Variants in SCAMP2 observed in about 807,000 individuals in gnomAD.
The protein encoded by SCAMP2 is secretory carrier-associated membrane protein 2.
SCAMP2 carries 25 observed loss-of-function variants against 44.1 expected under a neutral mutation model. The observed-to-expected ratio is 0.57, with a 90% CI of 0.41 to 0.79. The LOEUF is 0.79. Ranked by LOEUF, SCAMP2 falls within the 30% of genes least tolerant of loss-of-function variation. SCAMP2 has a pLI of 0.00. For missense variants in SCAMP2, 355 were observed against 411.0 expected, an observed-to-expected ratio of 0.86 and a Z score of 1.18; for synonymous variants, 156 against 166.0, an observed-to-expected ratio of 0.94 and a Z score of 0.46.
In SCAMP2 at chr15:74,863,156, C is replaced by T. The variant is rs1428919101; in HGVS notation, c.58-8507G>A. ...GGTTGGGAGTTTGAGACCAGCCTGG[C>T]CAGCATGATGAAACCCAGTCTCTAC... On this transcript the variant is annotated intron_variant, in intron 1 of 8. Transcript: ENST00000268099. 3.3e-5 allele frequency among the ~76,000 whole-genome samples: 5 copies of T among 151,800 alleles called. No individual in the cohort carries two copies. In the East Asian group the frequency reaches 9.7e-4, roughly 29 times the overall value.
intron 6 of SCAMP2, among the ~76,000 whole-genome samples, chr15:74,849,379 C>T (rs186241180): frequency 3.3e-5 from 5 of 150,902 alleles, no homozygotes; most frequent in Non-Finnish European, 5.9e-5. Context: ...ACCTGGGAGG[C>T]GGAGGTTGCA....
chr15:74,852,076 G>A lies in SCAMP2; in HGVS notation c.336C>T (p.Asn112=). ...KERELQNTVA[N]LHVRQNNWPP... ...CCCAGCAGCCTCCCTTACCATGCAAGTTGGCTACAGTGTTCTGCAGCTCCC... is the reference window on the plus strand; with the variant it reads ...CCCAGCAGCCTCCCTTACCATGCAAATTGGCTACAGTGTTCTGCAGCTCCC... Residue 112 remains asparagine (N), a synonymous_variant, in exon 4 of 9, where the codon AAC becomes AAT. Coordinates refer to ENST00000268099, the MANE Select transcript of SCAMP2 (RefSeq NM_005697.5). 2 of 1,573,286 alleles carry A rather than the reference G, an allele frequency of 1.3e-6. No homozygotes were observed. Among genetic ancestry groups the A allele is most frequent in the Non-Finnish European group, 1.7e-6 (2 of 1,159,176 alleles).
chr15:74,862,853 TACACACACACACACAC>T (rs112611741), intron 1 of SCAMP2, among the ~76,000 whole-genome samples: 88 of 87,506 alleles, frequency 1.0e-3, no homozygotes, highest in South Asian at 1.9e-3. Context: ...AAACAAACCA[TACACACACACACACAC>T]ACACACACAC....
chr15:74,847,574 G>A (rs760481302), intron 7 of SCAMP2, among the ~76,000 whole-genome samples: 5 of 152,192 alleles, frequency 3.3e-5, no homozygotes, highest in Non-Finnish European at 7.3e-5. Flanking sequence ...CACTTGTTTG[G>A]AGGGCAAGGG....
chr15:74,866,027 G>A (rs1041679258), intron 1 of SCAMP2, among the ~76,000 whole-genome samples: 2 of 110,114 alleles, frequency 1.8e-5, no homozygotes, highest in African/African-American at 4.9e-5. Flanking sequence ...AAGGAGGGAG[G>A]GAGGGGAGGG....
chr15:74,872,951 C>G (rs1446391862), intron 1 of SCAMP2: 2 of 461,814 alleles, frequency 4.3e-6, no homozygotes, highest in African/African-American at 4.1e-5. Flanking sequence ...CCTAGCACAG[C>G]CCAGCCTCCG....
At chr15:74,849,208 A>C (rs560570515) in intron 6 of SCAMP2, among the ~76,000 whole-genome samples, 26 of 152,298 alleles carry the variant, frequency 1.7e-4, no homozygotes, top group Middle Eastern at 3.4e-3. Context: ...AAACTAAGTA[A>C]ATCTCTTAAT....
At chr15:74,867,374 T>A (rs1332558418) in intron 1 of SCAMP2, among the ~76,000 whole-genome samples, 1 of 152,226 alleles carries the variant, frequency 6.6e-6, no homozygotes, top group Non-Finnish European at 1.5e-5. Context: ...AAAGAAGACT[T>A]AACGGAAGAG....
intron 1 of SCAMP2, among the ~76,000 whole-genome samples, chr15:74,870,122 C>T (rs2064566221): frequency 6.6e-6 from 1 of 152,190 alleles, no homozygotes; most frequent in Non-Finnish European, 1.5e-5. Flanking sequence ...TTCTTCCCAC[C>T]CAGGACTCCC....
At chr15:74,855,207 G>A (rs969433306) in intron 1 of SCAMP2, among the ~76,000 whole-genome samples, 3 of 151,902 alleles carry the variant, frequency 2.0e-5, no homozygotes, top group South Asian at 2.1e-4. Flanking sequence ...GGGTTGAAGC[G>A]ATTCTCCTGC....
rs1410212175 is a variant in SCAMP2 at position 74,850,496 on chromosome 15, T to TGAG, written c.632+17_632+18insCTC. 1.2e-6 allele frequency: 2 copies of TGAG among 1,612,332 alleles called. No homozygotes were observed. Among genetic ancestry groups the TGAG allele is most frequent in the African/African-American group, 2.7e-5 (2 of 74,880 alleles). ...ATGCCAGCCATAAAGTCTCACCCCT[T>TGAG]GCCCCGGCCTCACTCACCTAAAGGC... On this transcript the variant is annotated intron_variant, in intron 6 of 8. Coordinates refer to ENST00000268099, the MANE Select transcript of SCAMP2 (RefSeq NM_005697.5).
chr15:74,845,166 C>A lies in SCAMP2; in HGVS notation c.907G>T (p.Glu303Ter). Residue 303 changes from glutamate to a stop codon, truncating the protein, a stop_gained, in exon 9 of 9, where the codon GAG becomes TAG. Coordinates refer to ENST00000268099, the MANE Select transcript of SCAMP2 (RefSeq NM_005697.5). LOFTEE classifies it high-confidence loss of function. ...CTGCTGAAGATGCCCTGGGAAAACT[C>A]CTCCTGGGCCTGCTGGAAGCTGGCC... ...TGASFQQAQEEFSQGIFSSRT... is the reference protein window; with the variant it reads ...TGASFQQAQE 1 of 1,613,904 alleles carries A rather than the reference C, an allele frequency of 6.2e-7. No individual in the cohort carries two copies. Among genetic ancestry groups the A allele is most frequent in the East Asian group, 2.2e-5 (1 of 44,872 alleles).
At chr15:74,848,488 G>A (rs1047284514) in intron 7 of SCAMP2, 112 bp downstream of exon 7, 27 of 674,780 alleles carry the variant, frequency 4.0e-5, no homozygotes, top group Non-Finnish European at 4.6e-5. Context: ...CCCACTCCCC[G>A]CCATGGGAAA....
chr15:74,870,173 G>A (rs916162525), intron 1 of SCAMP2, among the ~76,000 whole-genome samples: 12 of 152,202 alleles, frequency 7.9e-5, no homozygotes, highest in African/African-American at 2.7e-4. Flanking sequence ...GCTGCTTCCT[G>A]TCATGCCATA....
At position 74,845,048 on chromosome 15, in the gene SCAMP2, G is replaced by A. The variant is rs1371011280; in HGVS notation, c.*35C>T. The A allele has an allele frequency of 4.4e-6, 7 of 1,599,918 alleles. No homozygotes were observed. Among genetic ancestry groups the A allele is most frequent in the Middle Eastern group, 1.7e-4 (1 of 5,986 alleles). On this transcript the variant is annotated 3_prime_UTR_variant, in exon 9 of 9. Coordinates refer to ENST00000268099, the MANE Select transcript of SCAMP2 (RefSeq NM_005697.5). The stretch of plus-strand genomic sequence containing the variant: ...GGAAAGTGCAGCTCAGAAGGCAGGC[G>A]AGAGAAAGGCTGAGGGGGAGAGAAG...
chr15:74,845,356 T>C, intron 8 of SCAMP2, 117 bp downstream of exon 8: 1 of 1,585,134 alleles, frequency 6.3e-7, no homozygotes, highest in Non-Finnish European at 8.6e-7. Context: ...AGAAAGGTAC[T>C]GGACCTTTGG....
chr15:74,846,924 C>T (rs1474966985), intron 7 of SCAMP2, among the ~76,000 whole-genome samples: 2 of 152,096 alleles, frequency 1.3e-5, no homozygotes, highest in Non-Finnish European at 2.9e-5. Flanking sequence ...ATGTCCTCAT[C>T]TGTAAAAGGG....
chr15:74,850,363 TG>T, intron 6 of SCAMP2, 150 bp downstream of exon 6: 1 of 782,556 alleles, frequency 1.3e-6, no homozygotes, highest in Non-Finnish European at 2.0e-6. Flanking sequence ...CTGCTCTGGG[TG>T]GGAACAGAGG....
chr15:74,868,448 C>A (rs1476382169), intron 1 of SCAMP2, among the ~76,000 whole-genome samples: 1 of 152,214 alleles, frequency 6.6e-6, no homozygotes, highest in African/African-American at 2.4e-5. Flanking sequence ...GTCGAATAAC[C>A]TTGAGAAATG....
Sources: allele counts gnomAD v4.1 joint callset (sites outside exome capture counted in the v4.1 genomes callset), GRCh38; gene constraint gnomAD v4.1.1; transcripts MANE v1.5; gene names NCBI Gene and HGNC (gene_info 2026-07-23, HGNC 2026-07-21).